Variants in BECN1 observed in about 807,000 individuals in gnomAD.
BECN1 encodes beclin-1.
In BECN1, 15 loss-of-function variants were observed where a neutral mutation model predicts 60.1. The observed-to-expected ratio is 0.25, with a 90% CI of 0.17 to 0.38. The LOEUF is 0.38. Ranked by LOEUF, BECN1 falls within the 10% of genes least tolerant of loss-of-function variation. The probability of loss-of-function intolerance (pLI) is 1.00; values close to 1 mark genes in which losing one functional copy is unlikely to be tolerated. For missense variants in BECN1, 424 were observed against 548.2 expected, an observed-to-expected ratio of 0.77 and a Z score of 2.26; for synonymous variants, 179 against 201.8, an observed-to-expected ratio of 0.89 and a Z score of 0.96.
intron 7 of BECN1, among the ~76,000 whole-genome samples, chr17:42,816,771 T>C (rs1253362333): frequency 6.8e-6 from 1 of 146,132 alleles, no homozygotes; most frequent in Non-Finnish European, 1.5e-5. Flanking sequence ...AGGAGTTAGA[T>C]GCCAGCCTGG....
At chr17:42,820,494 A>G (rs2055240713) in intron 3 of BECN1, 1 of 362,540 alleles carries the variant, frequency 2.8e-6, no homozygotes, top group Admixed American at 3.8e-5. Context: ...TCCAACCTAC[A>G]ATAATTTATA....
Position 42,823,899 on chromosome 17 carries a change from G to A in BECN1, c.-2-20C>T, listed in dbSNP as rs1469614038. ...CCATCCCTGAGGCCGTGGAAAAGAG[G>A]CAACATTAGGGAGAAGCGACGCCCT... On this transcript the variant is annotated intron_variant, in intron 1 of 11. Coordinates refer to ENST00000590099, the MANE Select transcript of BECN1 (RefSeq NM_001313998.2). The A allele has an allele frequency of 6.2e-7, 1 of 1,611,362 alleles. No homozygotes were observed. The highest frequency in any genetic ancestry group is 1.1e-5 in the South Asian group (1 of 90,876).
At chr17:42,823,315 T>C (rs2055310361) in intron 2 of BECN1, among the ~76,000 whole-genome samples, 1 of 152,180 alleles carries the variant, frequency 6.6e-6, no homozygotes, top group African/African-American at 2.4e-5. Flanking sequence ...AGTGCAGTGG[T>C]GCGATCTCAG....
rs1431101616 is a variant in BECN1 at position 42,814,647 on chromosome 17, T to C, written c.857A>G (p.Asn286Ser). The change falls in exon 9 of 12, where the codon AAT becomes AGT. Residue 286 changes from asparagine to serine, a missense_variant. Transcript: ENST00000590099. ...IWHSGQFGTI[N>S]NFRLGRLPSV... ...GGGCAGGCGACCCAGCCTGAAGTTA[T>C]TGATTGTGCCAAACTGTCCACTGTG... 3.7e-6 allele frequency: 6 copies of C among 1,614,176 alleles called. No homozygotes were observed. Among genetic ancestry groups the C allele is most frequent in the South Asian group, 3.3e-5 (3 of 91,082 alleles).
rs1422971451 is a variant in BECN1, at chr17:42,810,681, C to T, written c.*79G>A. 14 of 1,432,858 alleles carry T rather than the reference C, an allele frequency of 9.8e-6. No homozygotes were observed. Among genetic ancestry groups the T allele is most frequent in the Admixed American group, 4.6e-5 (2 of 43,110 alleles). 88.8% of individuals were successfully genotyped at this position (1,432,858 alleles called of 1,614,324 possible). Reference sequence around the variant, plus strand: ...GTAAACATGTACTGTTTAATATTACCCGAATTTAATTTAAAACATGTTTGC... The same window carrying T: ...GTAAACATGTACTGTTTAATATTACTCGAATTTAATTTAAAACATGTTTGC... On this transcript the variant is annotated 3_prime_UTR_variant, in exon 12 of 12. Transcript: ENST00000590099.
In BECN1 at chr17:42,815,996, T is replaced by TCAGCTCATCATC; in HGVS notation, c.730_741dup (p.Asp244_Leu247dup). 6.2e-7 allele frequency: 1 copy of TCAGCTCATCATC among 1,613,386 alleles called. No homozygotes were observed. The highest frequency in any genetic ancestry group is 8.5e-7 in the Non-Finnish European group (1 of 1,179,636). ...TAACGCATCTGGTTTTCAACACTCT[T>TCAGCTCATCATC]CAGCTCATCATCCAGCTCCAGCTGC... On this transcript the variant is annotated inframe_insertion, in exon 8 of 12. Transcript: ENST00000590099.
At chr17:42,821,647 C>T (rs1051710723) in intron 2 of BECN1, among the ~76,000 whole-genome samples, 2 of 152,106 alleles carry the variant, frequency 1.3e-5, no homozygotes, top group East Asian at 1.9e-4. Context: ...TAAATTGCAA[C>T]GATCCAGATT....
At chr17:42,815,034 C>T (rs2055116666) in intron 8 of BECN1, 1 of 240,934 alleles carries the variant, frequency 4.2e-6, no homozygotes. Context: ...CCAACGATTC[C>T]ACCCCTTTAC....
chr17:42,823,404 G>A (rs2055312875), intron 2 of BECN1, among the ~76,000 whole-genome samples: 1 of 152,082 alleles, frequency 6.6e-6, no homozygotes, highest in East Asian at 1.9e-4. Context: ...ACAGGCACGT[G>A]CCATCACGCC....
At chr17:42,811,403 G>A in intron 11 of BECN1, 1 of 384,780 alleles carries the variant, frequency 2.6e-6, no homozygotes, top group Non-Finnish European at 4.6e-6. Context: ...AAACTGGAGA[G>A]GAGGCTTGAG....
rs138054659 is a variant in BECN1 at position 42,813,262 on chromosome 17, C to T, written c.1041+686G>A. ...AGGTATATATAAAACAGGCCAGGCA[C>T]GGTGGCTCATGCCTGTAATCCTAGA... On this transcript the variant is annotated intron_variant, in intron 10 of 11. Coordinates refer to ENST00000590099, the MANE Select transcript of BECN1 (RefSeq NM_001313998.2). Among the ~76,000 whole-genome samples, 583 of 151,958 alleles carry T rather than the reference C, an allele frequency of 3.8e-3. 3 individuals are homozygous for T. The highest frequency in any genetic ancestry group is 0.014 in the African/African-American group (560 of 41,456).
At position 42,810,721 on chromosome 17, in the gene BECN1, TA is replaced by T. The variant is rs772752464; in HGVS notation, c.*38del. ...AACATGTTTGCAAACAAAACAAAAT[TA>T]AAAGCCTTTAAGGCAAACCTCCCCC... is the stretch of plus-strand genomic sequence containing the variant. On this transcript the variant is annotated 3_prime_UTR_variant, in exon 12 of 12. Coordinates refer to ENST00000590099, the MANE Select transcript of BECN1 (RefSeq NM_001313998.2). The T allele has an allele frequency of 6.5e-7, 1 of 1,538,970 alleles. No homozygotes were observed. Among genetic ancestry groups the T allele is most frequent in the Non-Finnish European group, 8.8e-7 (1 of 1,142,032 alleles).
At chr17:42,822,568 T>A (rs2055290487) in intron 2 of BECN1, among the ~76,000 whole-genome samples, 1 of 152,162 alleles carries the variant, frequency 6.6e-6, no homozygotes, top group Non-Finnish European at 1.5e-5. Flanking sequence ...TTGGGGTTTT[T>A]TATTTTTTTT....
At chr17:42,812,384 C>CA (rs149759858) in intron 10 of BECN1, 3,380 of 62,076 alleles carry the variant, frequency 0.054, 50 homozygotes, top group Middle Eastern at 0.19. Context: ...AACTCCATTT[C>CA]AAAAAAAAAA....
intron 7 of BECN1, 61 bp from the exon 8 acceptor site, chr17:42,816,115 AC>A: frequency 6.7e-7 from 1 of 1,482,114 alleles, no homozygotes; most frequent in Non-Finnish European, 9.0e-7. Context: ...TTTCTCTCTC[AC>A]CACACTATGA....
chr17:42,815,967 G>A lies in BECN1; in HGVS notation c.771C>T (p.Ala257=). The change falls in exon 8 of 12, where the codon GCC becomes GCT. Residue 257 remains alanine, a synonymous_variant. Coordinates refer to ENST00000590099, the MANE Select transcript of BECN1 (RefSeq NM_001313998.2). ...LKSVENQMRY[A]QTQLDKLKKT... Reference sequence around the variant, plus strand: ...TCTTCAGCTTATCCAGCTGCGTCTGGGCATAACGCATCTGGTTTTCAACAC... The same window carrying A: ...TCTTCAGCTTATCCAGCTGCGTCTGAGCATAACGCATCTGGTTTTCAACAC... 6.2e-7 allele frequency: 1 copy of A among 1,614,044 alleles called. No individual in the cohort carries two copies. The highest frequency in any genetic ancestry group is 8.5e-7 in the Non-Finnish European group (1 of 1,179,986).
chr17:42,812,066 C>T (rs2055024011), intron 10 of BECN1: 3 of 407,702 alleles, frequency 7.4e-6, no homozygotes, highest in Non-Finnish European at 1.3e-5. Flanking sequence ...AAAACCTTTC[C>T]AGGAAGAGTA....
In BECN1 at chr17:42,814,614, G is replaced by A. The variant is rs1262634394; in HGVS notation, c.890C>T (p.Pro297Leu). 1.2e-6 allele frequency: 2 copies of A among 1,614,140 alleles called. No individual in the cohort carries two copies. The highest frequency in any genetic ancestry group is 1.7e-5 in the Admixed American group (1 of 60,010). Residue 297 changes from proline (P) to leucine (L), a missense_variant, in exon 9 of 12, where the codon CCC becomes CTC. Physicochemically the swap from Pro to Leu is moderately conservative, Grantham distance 98. This residue lies in a region of BECN1 where 326 missense variants were observed against 406.2 expected (regional missense o/e 0.80). Coordinates refer to ENST00000590099, the MANE Select transcript of BECN1 (RefSeq NM_001313998.2). ...AGCATTAATCTCATTCCATTCCACG[G>A]GAACACTGGGCAGGCGACCCAGCCT... ...NFRLGRLPSV[P>L]VEWNEINAAW... is the part of the protein sequence containing the mutation.
At position 42,818,291 on chromosome 17, in the gene BECN1, G is replaced by T; in HGVS notation, c.613C>A (p.Arg205Ser). 2 of 1,614,168 alleles carry T rather than the reference G, an allele frequency of 1.2e-6. No individual in the cohort carries two copies. The highest frequency in any genetic ancestry group is 1.7e-6 in the Non-Finnish European group (2 of 1,180,020). The change falls in exon 7 of 12, where the codon CGC becomes AGC. Residue 205 changes from arginine to serine, a missense_variant. Arg to Ser is a moderately radical substitution (Grantham distance 110). This residue lies in a region of BECN1 where 326 missense variants were observed against 406.2 expected (regional missense o/e 0.80). Transcript: ENST00000590099. ...TCGAGATTTTCTGCCACTATCTTGC[G>T]GTTCTTTTCCACGTCTTCCAGCTCC... ...IQELEDVEKN[R>S]KIVAENLEKV...
Sources: gnomAD v4.1 joint callset for allele counts (sites outside exome capture counted in the v4.1 genomes callset) on GRCh38, gnomAD v4.1.1 for gene constraint, gnomAD v4.1.1 regional missense constraint, MANE v1.5 for transcripts, NCBI Gene and HGNC (gene_info 2026-07-23, HGNC 2026-07-21) for gene names.